CFAP61: variants seen among roughly 807,000 people sequenced by gnomAD.
CFAP61 encodes cilia and flagella associated protein 61.
A neutral mutation model predicts 135.6 loss-of-function variants in CFAP61; 107 were observed. The ratio of observed to expected loss-of-function variants is 0.79; its 90% CI spans 0.67 to 0.93. The LOEUF is 0.93. CFAP61 is among the 40% of genes least tolerant of loss of function. The pLI is 0.00. For missense variants in CFAP61, 1,507 were observed against 1,556.2 expected (o/e 0.97, Z 0.53); for synonymous variants, 575 against 578.5 (o/e 0.99, Z 0.09).
intron 17 of CFAP61, among the ~76,000 whole-genome samples, chr20:20,216,174 A>C (rs2048026574): frequency 6.6e-6 from 1 of 152,178 alleles, no homozygotes; most frequent in South Asian, 2.1e-4. Flanking sequence ...TGCTGCCATT[A>C]CATCTTGTTT....
At chr20:20,166,308 G>A (rs2053826800) in intron 11 of CFAP61, 89 bp from the exon 12 acceptor site, 31 of 1,080,346 alleles carry the variant, frequency 2.9e-5, no homozygotes, top group South Asian at 7.8e-5. Context: ...ATCGCTGCCC[G>A]AGGGGAGGGA....
At chr20:20,289,967 C>T (rs2054880789) in intron 23 of CFAP61, among the ~76,000 whole-genome samples, 1 of 152,184 alleles carries the variant, frequency 6.6e-6, no homozygotes, top group Admixed American at 6.5e-5. Context: ...CTGTTTGCAA[C>T]ATTTAAGGCT....
Position 20,360,454 on chromosome 20 carries a change from C to T in CFAP61, c.*44C>T. 1 of 1,544,314 alleles carries T rather than the reference C, an allele frequency of 6.5e-7. No individual in the cohort carries two copies. Among genetic ancestry groups the T allele is most frequent in the South Asian group, 1.1e-5 (1 of 87,946 alleles). ...CTTTATGGTTTTCATTTATTTAGTT[C>T]CTGGAAACGCGCTCTGTAGAAATAG... On this transcript the variant is annotated 3_prime_UTR_variant, in exon 27 of 27. Coordinates refer to ENST00000245957, the MANE Select transcript of CFAP61 (RefSeq NM_015585.4).
At chr20:20,318,669 C>G (rs2057272562) in intron 25 of CFAP61, among the ~76,000 whole-genome samples, 1 of 152,162 alleles carries the variant, frequency 6.6e-6, no homozygotes, top group Non-Finnish European at 1.5e-5. Context: ...CCTCTCTTGC[C>G]TAGTGCCACC....
intron 17 of CFAP61, among the ~76,000 whole-genome samples, chr20:20,227,362 A>G (rs2048812480): frequency 6.6e-6 from 1 of 152,222 alleles, no homozygotes; most frequent in South Asian, 2.1e-4. Flanking sequence ...TCCAATGAGA[A>G]GTCAGCTGTA....
At chr20:20,052,875 G>T in intron 1 of CFAP61, 2 of 697,122 alleles carry the variant, frequency 2.9e-6, no homozygotes, top group South Asian at 2.0e-5. Context: ...GTAGTCTCTG[G>T]GTCCACGCCC....
intron 26 of CFAP61, among the ~76,000 whole-genome samples, chr20:20,346,193 G>A (rs1367664066): frequency 5.6e-5 from 8 of 143,452 alleles, no homozygotes; most frequent in Non-Finnish European, 7.6e-5. Flanking sequence ...GAGCCACCGC[G>A]CCCGGCCGAT....
At chr20:20,348,045 C>A (rs1169160602) in intron 26 of CFAP61, among the ~76,000 whole-genome samples, 1 of 151,564 alleles carries the variant, frequency 6.6e-6, no homozygotes, top group Non-Finnish European at 1.5e-5. Context: ...AAAAACCTCA[C>A]ACAAAGAAAA....
intron 17 of CFAP61, among the ~76,000 whole-genome samples, chr20:20,202,190 T>C (rs1679644019): frequency 6.6e-6 from 1 of 152,200 alleles, no homozygotes; most frequent in Non-Finnish European, 1.5e-5. Flanking sequence ...CCCTGGTGTA[T>C]TTCAGCACAA....
At position 20,288,870 on chromosome 20, in the gene CFAP61, C is replaced by T. The variant is rs1210319427; in HGVS notation, c.3058C>T (p.Pro1020Ser). ...MLHLFDPTLE[P>S]VTEPPANLDR... The stretch of plus-strand genomic sequence containing the variant: ...ACATCTCTTTGATCCAACCCTTGAG[C>T]CTGTGACCGAGCCACCAGCTAATCT... Residue 1020 changes from proline to serine, a missense_variant, in exon 23 of 27, where the codon CCT (proline) becomes TCT (serine). Pro to Ser is a moderately conservative substitution (Grantham distance 74). Transcript: ENST00000245957. The T allele has an allele frequency of 6.2e-7, 1 of 1,613,878 alleles. No homozygotes were observed. Among genetic ancestry groups the T allele is most frequent in the Non-Finnish European group, 8.5e-7 (1 of 1,179,762 alleles).
intron 8 of CFAP61, among the ~76,000 whole-genome samples, chr20:20,140,072 C>T (rs1258286143): frequency 6.8e-6 from 1 of 146,898 alleles, no homozygotes; most frequent in African/African-American, 2.5e-5. Context: ...GAGTGGATAC[C>T]TTTGAGAGGA....
chr20:20,089,247 T>C (rs903595000), intron 6 of CFAP61, among the ~76,000 whole-genome samples: 1 of 152,180 alleles, frequency 6.6e-6, no homozygotes, highest in Non-Finnish European at 1.5e-5. Context: ...CAACTATTTC[T>C]GTCATCTCAG....
intron 17 of CFAP61, among the ~76,000 whole-genome samples, chr20:20,209,992 G>A (rs1376542902): frequency 6.6e-6 from 1 of 152,160 alleles, no homozygotes; most frequent in African/African-American, 2.4e-5. Context: ...AGGCCAGTCT[G>A]AGTGTGGCCT....
chr20:20,156,753 G>A (rs2146789957), intron 9 of CFAP61, among the ~76,000 whole-genome samples: 1 of 152,176 alleles, frequency 6.6e-6, no homozygotes, highest in Admixed American at 6.5e-5. Context: ...ATCTACAACA[G>A]TACAAATATG....
At chr20:20,330,397 G>A (rs947831017) in intron 25 of CFAP61, among the ~76,000 whole-genome samples, 8 of 152,102 alleles carry the variant, frequency 5.3e-5, no homozygotes, top group African/African-American at 1.2e-4. Flanking sequence ...AGTGCATGGC[G>A]CCATCTCAGC....
intron 13 of CFAP61, chr20:20,171,865 G>GA: frequency 1.5e-6 from 1 of 666,512 alleles, no homozygotes; most frequent in Admixed American, 2.6e-5. Flanking sequence ...CCCACGGCCA[G>GA]AGTGGACTTT....
intron 8 of CFAP61, among the ~76,000 whole-genome samples, chr20:20,120,864 T>A (rs1232634058): frequency 6.6e-6 from 1 of 152,198 alleles, no homozygotes; most frequent in Non-Finnish European, 1.5e-5. Flanking sequence ...ATGGATTGAC[T>A]CCTTTATCAG....
intron 26 of CFAP61, among the ~76,000 whole-genome samples, chr20:20,356,502 T>G (rs1428134773): frequency 1.1e-4 from 10 of 87,436 alleles, no homozygotes; most frequent in South Asian, 3.5e-4. Flanking sequence ...TGAGGGGAGA[T>G]GGTCACACTG....
rs980949884 is a variant in CFAP61, at chr20:20,191,238, G to C, written c.1513-104G>C. 11 of 856,570 alleles carry C rather than the reference G, an allele frequency of 1.3e-5. No homozygotes were observed. In the African/African-American group the frequency reaches 1.7e-4, roughly 13 times the overall value. The allele number at this position is 856,570 out of a possible 1,614,324, so 53.1% of individuals were successfully genotyped here. Reference sequence around the variant, plus strand: ...CAAAAGTAGGTGTTGATAGATGTTTGTTCTGTTGTTATGTGAACGTGGTTA... The same window carrying C: ...CAAAAGTAGGTGTTGATAGATGTTTCTTCTGTTGTTATGTGAACGTGGTTA... On this transcript the variant is annotated intron_variant, in intron 14 of 26. Coordinates refer to ENST00000245957, the MANE Select transcript of CFAP61 (RefSeq NM_015585.4).
Sources: allele counts gnomAD v4.1 joint callset (sites outside exome capture counted in the v4.1 genomes callset), GRCh38; gene constraint gnomAD v4.1.1; transcripts MANE v1.5; gene names NCBI Gene and HGNC (gene_info 2026-07-23, HGNC 2026-07-21).